The following BDH1 variants were observed in gnomAD, a reference collection of about 807,000 sequenced individuals.
BDH1 encodes D-beta-hydroxybutyrate dehydrogenase, mitochondrial.
In BDH1, 30 loss-of-function variants were observed where a neutral mutation model predicts 33.1. The observed-to-expected ratio is 0.91, with a 90% CI of 0.68 to 1.23. BDH1 has a LOEUF of 1.23. Ranked by LOEUF, BDH1 falls within the 50% of genes most tolerant of loss-of-function variation. The pLI is 0.00. For synonymous variants in BDH1, 190 were observed against 183.6 expected (o/e 1.03, Z -0.28); for missense variants, 443 against 464.4 (o/e 0.95, Z 0.42).
chr3:197,569,734 G>T (rs1484827259), intron 1 of BDH1, among the ~76,000 whole-genome samples: 1 of 152,120 alleles, frequency 6.6e-6, no homozygotes, highest in Non-Finnish European at 1.5e-5. Context: ...TGATTGTGAG[G>T]CCTCCCCAGC....
chr3:197,546,275 A>G, intron 3 of BDH1, 86 bp downstream of exon 3: 3 of 1,331,462 alleles, frequency 2.3e-6, no homozygotes, highest in Non-Finnish European at 2.1e-6. Context: ...ATCAGGCCTC[A>G]TCACCGCCTA....
chr3:197,551,884 C>T (rs956379083), intron 2 of BDH1, among the ~76,000 whole-genome samples: 20 of 152,214 alleles, frequency 1.3e-4, no homozygotes, highest in African/African-American at 4.3e-4. Context: ...GGCATTTTTT[C>T]ACTAGGAGAA....
rs1355933453 is a variant in BDH1 at position 197,522,257 on chromosome 3, C to T, written c.409+383G>A. On this transcript the variant is annotated intron_variant, in intron 6 of 7. Coordinates refer to ENST00000392379, the MANE Select transcript of BDH1 (RefSeq NM_203314.3). The surrounding 1 kb of genome is among the most constrained non-coding windows in gnomAD (Gnocchi z 4.8). ...TCTGCCTCTCTCAATGCACGGCTCC[C>T]TGATTTTGAACTCAGTCCTCCGGCT... is the stretch of plus-strand genomic sequence containing the variant. Among the ~76,000 whole-genome samples, 1 of 152,180 alleles carries T rather than the reference C, an allele frequency of 6.6e-6. No individual in the cohort carries two copies. Among genetic ancestry groups the T allele is most frequent in the East Asian group, 1.9e-4 (1 of 5,200 alleles).
intron 3 of BDH1, among the ~76,000 whole-genome samples, chr3:197,541,275 T>C (rs1715600977): frequency 6.6e-6 from 1 of 152,180 alleles, no homozygotes; most frequent in Non-Finnish European, 1.5e-5. Context: ...AATCTGCCTG[T>C]GTCATTCACC....
chr3:197,540,440 C>A (rs954680970), intron 3 of BDH1, among the ~76,000 whole-genome samples: 2 of 140,270 alleles, frequency 1.4e-5, no homozygotes, highest in Non-Finnish European at 3.0e-5. Context: ...GAGGCTGAGG[C>A]GGGCAGACAC....
Position 197,533,773 on chromosome 3 carries a change from A to G in BDH1, c.84-212T>C, listed in dbSNP as rs116527756. The G allele has an allele frequency of 2.0e-3, 1,067 of 540,168 alleles. 4 individuals are homozygous for G. The highest frequency in any genetic ancestry group is 0.018 in the African/African-American group (963 of 52,854). 33.5% of individuals were successfully genotyped at this position (540,168 alleles called of 1,614,324 possible). A position where few individuals can be genotyped will look rare whatever the true frequency, so the allele number is the denominator to read the frequency against. On this transcript the variant is annotated intron_variant, in intron 3 of 7. Coordinates refer to ENST00000392379, the MANE Select transcript of BDH1 (RefSeq NM_203314.3). ...TGGCTATGTTTGCCACTGTCCAGGAAGAGCCTTCCTGAGAATAAAGCCAAT... is the reference window on the plus strand; with the variant it reads ...TGGCTATGTTTGCCACTGTCCAGGAGGAGCCTTCCTGAGAATAAAGCCAAT...
intron 5 of BDH1, 64 bp downstream of exon 5, chr3:197,532,348 A>G (rs765173103): frequency 1.1e-5 from 16 of 1,464,052 alleles, no homozygotes; most frequent in Non-Finnish European, 1.5e-5. Context: ...AGCACTTTTT[A>G]AAAGACTAAA....
chr3:197,512,197 C>A lies in BDH1; in HGVS notation c.730G>T (p.Ala244Ser). ...SVVEPGNFIAATSLYSPESIQ... is the reference protein window; with the variant it reads ...SVVEPGNFIASTSLYSPESIQ... ...CTCTCAGGGCTGTAAAGGCTGGTGG[C>A]AGCGATGAAGTTGCCGGGCTCCACC... The change falls in exon 8 of 8, where the codon GCC becomes TCC. Residue 244 changes from alanine (A) to serine (S), a missense_variant. Transcript: ENST00000392379. The A allele has an allele frequency of 6.2e-7, 1 of 1,614,064 alleles. No individual in the cohort carries two copies. The highest frequency in any genetic ancestry group is 8.5e-7 in the Non-Finnish European group (1 of 1,180,032).
intron 1 of BDH1, chr3:197,555,542 A>C (rs1716949560): frequency 6.6e-6 from 1 of 152,264 alleles, no homozygotes; most frequent in South Asian, 2.1e-4. Context: ...ATGCCAGATC[A>C]TGCTGCTGGA....
intron 3 of BDH1, among the ~76,000 whole-genome samples, chr3:197,536,956 A>G (rs1212974851): frequency 6.6e-6 from 1 of 152,134 alleles, no homozygotes; most frequent in East Asian, 1.9e-4. Flanking sequence ...AGCAACTACA[A>G]ATGGTATTGT....
intron 6 of BDH1, chr3:197,515,798 G>A (rs1041640469): frequency 2.3e-6 from 2 of 878,942 alleles, no homozygotes; most frequent in South Asian, 1.0e-4. Context: ...CAGCTACTCG[G>A]GAGGCTGAGG....
chr3:197,527,280 G>A (rs1663806880), intron 5 of BDH1, among the ~76,000 whole-genome samples: 1 of 152,244 alleles, frequency 6.6e-6, no homozygotes, highest in African/African-American at 2.4e-5. Flanking sequence ...GAAACGAAGT[G>A]TTACGAGCAA....
intron 1 of BDH1, among the ~76,000 whole-genome samples, chr3:197,566,830 AT>A (rs902587282): frequency 6.6e-6 from 1 of 151,958 alleles, no homozygotes; most frequent in African/African-American, 2.4e-5. Context: ...TTTGTTTTCA[AT>A]TTTTTTCTTC....
intron 1 of BDH1, among the ~76,000 whole-genome samples, chr3:197,570,868 G>A (rs770998622): frequency 5.3e-5 from 8 of 152,236 alleles, no homozygotes; most frequent in Non-Finnish European, 8.8e-5. Flanking sequence ...GGCTGTGAGA[G>A]GAGGGCCACC....
chr3:197,526,252 G>A lies in BDH1; in HGVS notation c.268-3471C>T, dbSNP rs1027004370. ...TGTATGCGAGGTAAAGCTTTCCCCTGCCCAGCCCTGAGGGCTGTGGGAAGT... is the reference window on the plus strand; with the variant it reads ...TGTATGCGAGGTAAAGCTTTCCCCTACCCAGCCCTGAGGGCTGTGGGAAGT... On this transcript the variant is annotated intron_variant, in intron 5 of 7. Transcript: ENST00000392379. The surrounding 1 kb of genome is among the most constrained non-coding windows in gnomAD (Gnocchi z 4.7). Among the ~76,000 whole-genome samples the A allele has an allele frequency of 1.3e-5, 2 of 152,208 alleles. No individual in the cohort carries two copies. The highest frequency in any genetic ancestry group is 6.5e-5 in the Admixed American group (1 of 15,276).
intron 1 of BDH1, among the ~76,000 whole-genome samples, chr3:197,572,857 A>G (rs1176998921): frequency 2.0e-5 from 3 of 152,136 alleles, no homozygotes; most frequent in Non-Finnish European, 4.4e-5. Flanking sequence ...TATCTAATGT[A>G]TTACAACAAG....
chr3:197,562,175 G>A (rs887932074), intron 1 of BDH1, among the ~76,000 whole-genome samples: 5 of 152,200 alleles, frequency 3.3e-5, no homozygotes, highest in African/African-American at 7.2e-5. Context: ...ACAAAGTTAC[G>A]GGTGGCTGAG....
In BDH1 at chr3:197,520,579, G is replaced by A. The variant is rs1713438485; in HGVS notation, c.409+2061C>T. ...GAGGACCGCCAGCCTGAGCAAGCCG[G>A]CCTGGTGCGTTCTCTGCTTGGGTCT... is the stretch of plus-strand genomic sequence containing the variant. On this transcript the variant is annotated intron_variant, in intron 6 of 7. Transcript: ENST00000392379. The surrounding 1 kb of genome is among the most constrained non-coding windows in gnomAD (Gnocchi z 6.0). 6.6e-6 allele frequency among the ~76,000 whole-genome samples: 1 copy of A among 152,172 alleles called. No homozygotes were observed. Among genetic ancestry groups the A allele is most frequent in the Non-Finnish European group, 1.5e-5 (1 of 68,038 alleles).
rs11553758 is a variant in BDH1, at chr3:197,546,452, C to T, written c.-9G>A. On this transcript the variant is annotated 5_prime_UTR_variant, in exon 3 of 8. Transcript: ENST00000392379. Reference sequence around the variant, plus strand: ...AGGCGGGTGGCCAGCATGGTAGCAACGGGTGTTAGAATGGCCCAGTTCCTC... The same window carrying T: ...AGGCGGGTGGCCAGCATGGTAGCAATGGGTGTTAGAATGGCCCAGTTCCTC... 2.6e-3 allele frequency: 4,206 copies of T among 1,613,854 alleles called. 87 individuals carry two copies. In the African/African-American group the frequency reaches 0.047, roughly 18 times the overall value.
Sources: gnomAD v4.1 joint callset for allele counts (sites outside exome capture counted in the v4.1 genomes callset) on GRCh38, gnomAD v4.1.1 for gene constraint, Gnocchi (gnomAD v3.1) non-coding constraint, MANE v1.5 for transcripts, NCBI Gene and HGNC (gene_info 2026-07-23, HGNC 2026-07-21) for gene names.